Variants in PARD3B observed in about 807,000 individuals in gnomAD.
The protein encoded by PARD3B is par-3 family cell polarity regulator beta.
Under a neutral mutation model 130.2 loss-of-function variants are expected in PARD3B, and 103 were observed. The observed-to-expected ratio is 0.79, with a 90% confidence interval of 0.67 to 0.93. The LOEUF (loss-of-function observed/expected upper bound fraction) is 0.93. Ranked by LOEUF, PARD3B falls within the 40% of genes least tolerant of loss-of-function variation. The pLI is 0.00. For synonymous variants in PARD3B, 583 were observed against 553.2 expected, an observed-to-expected ratio of 1.05 and a Z score of -0.76; for missense variants, 1,609 against 1,499.2, an observed-to-expected ratio of 1.07 and a Z score of -1.21.
chr2:204,929,205 A>G (rs1687847052), intron 2 of PARD3B, among the ~76,000 whole-genome samples: 1 of 152,106 alleles, frequency 6.6e-6, no homozygotes, highest in Non-Finnish European at 1.5e-5. Context: ...GCTGTTAATA[A>G]AAGGTCACTA....
chr2:204,729,998 A>ACACACACACAC (rs2039425997), intron 2 of PARD3B, among the ~76,000 whole-genome samples: 2 of 141,366 alleles, frequency 1.4e-5, no homozygotes, highest in Admixed American at 1.4e-4. Flanking sequence ...CACACACACA[A>ACACACACACAC]ACACACACAC....
chr2:204,588,782 A>G (rs530530638), intron 1 of PARD3B, among the ~76,000 whole-genome samples: 10 of 152,314 alleles, frequency 6.6e-5, no homozygotes, highest in Admixed American at 4.6e-4. Context: ...TATTAGAATC[A>G]TAGCATTAAC....
At chr2:205,337,085 C>G (rs2043340883) in intron 18 of PARD3B, among the ~76,000 whole-genome samples, 1 of 151,796 alleles carries the variant, frequency 6.6e-6, no homozygotes, top group African/African-American at 2.4e-5. Context: ...TTGTCTTTCC[C>G]TAGACAGTGG....
intron 1 of PARD3B, among the ~76,000 whole-genome samples, chr2:204,667,174 A>C (rs1322158334): frequency 6.6e-6 from 1 of 152,070 alleles, no homozygotes; most frequent in Non-Finnish European, 1.5e-5. Flanking sequence ...ATTACTGGGG[A>C]TATTTCTCTT....
At chr2:204,645,263 A>C (rs2125159683) in intron 1 of PARD3B, among the ~76,000 whole-genome samples, 1 of 152,324 alleles carries the variant, frequency 6.6e-6, no homozygotes, top group African/African-American at 2.4e-5. Flanking sequence ...TCTGATATAA[A>C]ATATGCAAAT....
intron 2 of PARD3B, among the ~76,000 whole-genome samples, chr2:204,897,563 CTT>C (rs2046686932): frequency 6.6e-6 from 1 of 151,982 alleles, no homozygotes; most frequent in South Asian, 2.1e-4. Context: ...CCTGTGTACT[CTT>C]TATCCAGTTG....
At position 205,415,308 on chromosome 2, in the gene PARD3B, A is replaced by T. The variant is rs1190138975; in HGVS notation, c.2741+14185A>T. On this transcript the variant is annotated intron_variant, in intron 19 of 22. Transcript: ENST00000406610. Reference sequence around the variant, plus strand: ...CTTTTGATAATCAATTCTGCTCCCAATAATTATAGATTTACCTCACCAATT... The same window carrying T: ...CTTTTGATAATCAATTCTGCTCCCATTAATTATAGATTTACCTCACCAATT... 3.3e-5 allele frequency among the ~76,000 whole-genome samples: 5 copies of T among 152,166 alleles called. No individual in the cohort carries two copies. In the East Asian group the frequency reaches 9.6e-4, roughly 29 times the overall value.
chr2:205,170,058 G>A (rs1172527267), intron 11 of PARD3B, among the ~76,000 whole-genome samples: 1 of 151,708 alleles, frequency 6.6e-6, no homozygotes, highest in African/African-American at 2.4e-5. Flanking sequence ...AGCCTCCCGA[G>A]TAGCTGGGAT....
chr2:205,496,471 A>T (rs1046229625), intron 20 of PARD3B, among the ~76,000 whole-genome samples: 23 of 152,148 alleles, frequency 1.5e-4, no homozygotes, highest in Non-Finnish European at 3.2e-4. Flanking sequence ...CCATATTTTT[A>T]AAAAATATTC....
chr2:204,866,876 C>T (rs1288914386), intron 2 of PARD3B, among the ~76,000 whole-genome samples: 4 of 151,952 alleles, frequency 2.6e-5, no homozygotes, highest in African/African-American at 9.7e-5. Context: ...TGAGACCAGC[C>T]TGGCCAACAT....
At chr2:204,724,438 T>A (rs2039129437) in intron 2 of PARD3B, among the ~76,000 whole-genome samples, 1 of 152,180 alleles carries the variant, frequency 6.6e-6, no homozygotes, top group Non-Finnish European at 1.5e-5. Context: ...AAGGATGTAC[T>A]CTAAAATTAA....
chr2:205,173,539 A>G (rs1040782004), intron 12 of PARD3B, among the ~76,000 whole-genome samples: 32 of 152,196 alleles, frequency 2.1e-4, no homozygotes, highest in African/African-American at 7.7e-4. Flanking sequence ...GACTTACTTC[A>G]TCTCAGAGAG....
At chr2:204,704,370 T>C (rs1574756265) in intron 2 of PARD3B, among the ~76,000 whole-genome samples, 2 of 152,286 alleles carry the variant, frequency 1.3e-5, no homozygotes, top group Admixed American at 6.5e-5. Context: ...ATGACATCCA[T>C]TGATGCAACT....
At chr2:204,915,689 G>A (rs1343144283) in intron 2 of PARD3B, among the ~76,000 whole-genome samples, 3 of 152,056 alleles carry the variant, frequency 2.0e-5, no homozygotes, top group Admixed American at 1.3e-4. Context: ...TATCTGAAAC[G>A]ATGCTAACAA....
At chr2:205,497,935 G>C (rs1042945152) in intron 20 of PARD3B, among the ~76,000 whole-genome samples, 35 of 151,846 alleles carry the variant, frequency 2.3e-4, no homozygotes, top group African/African-American at 8.0e-4. Context: ...CTAGCACTTT[G>C]GGAGGCCAAG....
intron 2 of PARD3B, among the ~76,000 whole-genome samples, chr2:204,833,457 A>G (rs2043906155): frequency 6.6e-6 from 1 of 151,784 alleles, no homozygotes; most frequent in Non-Finnish European, 1.5e-5. Context: ...GCCCCTTCTG[A>G]TTGAAACCCT....
At chr2:204,722,250 T>C (rs918187506) in intron 2 of PARD3B, among the ~76,000 whole-genome samples, 1 of 152,212 alleles carries the variant, frequency 6.6e-6, no homozygotes, top group South Asian at 2.1e-4. Flanking sequence ...GAAAATTACC[T>C]CTTCTGCTTC....
intron 2 of PARD3B, among the ~76,000 whole-genome samples, chr2:204,823,069 A>G (rs2043428612): frequency 6.6e-6 from 1 of 152,076 alleles, no homozygotes. Context: ...GTAGTCTTGT[A>G]TTTACCTGTG....
intron 20 of PARD3B, among the ~76,000 whole-genome samples, chr2:205,467,607 T>C (rs544175723): frequency 7.9e-5 from 12 of 152,330 alleles, no homozygotes; most frequent in African/African-American, 2.4e-4. Context: ...ACTTTTTTCA[T>C]GGTGGAATGA....
Sources: gnomAD v4.1 joint callset for allele counts (sites outside exome capture counted in the v4.1 genomes callset) on GRCh38, gnomAD v4.1.1 for gene constraint, MANE v1.5 for transcripts, NCBI Gene and HGNC (gene_info 2026-07-23, HGNC 2026-07-21) for gene names.